The following GRIN2B variants were observed in gnomAD, a reference collection of about 807,000 sequenced individuals.
GRIN2B encodes glutamate receptor ionotropic, NMDA 2B.
In GRIN2B, 5 loss-of-function variants were observed where a neutral mutation model predicts 114.5. The ratio of observed to expected loss-of-function variants is 0.04; its 90% CI spans 0.02 to 0.09. The LOEUF is 0.09. GRIN2B is among the 10% of genes least tolerant of loss of function. The pLI, the probability that GRIN2B is intolerant of heterozygous loss-of-function variation, is 1.00. For synonymous variants in GRIN2B, 787 were observed against 745.1 expected, an observed-to-expected ratio of 1.06 and a Z score of -0.92; for missense variants, 1,108 against 1,943.5, an observed-to-expected ratio of 0.57 and a Z score of 8.08.
At chr12:13,784,223 C>CA (rs56197649) in intron 3 of GRIN2B, among the ~76,000 whole-genome samples, 24 of 71,904 alleles carry the variant, frequency 3.3e-4, no homozygotes, top group African/African-American at 1.4e-3. Context: ...GACTTCGCCT[C>CA]AAAAAAAAAA....
chr12:13,977,939 C>T (rs1277830535), intron 2 of GRIN2B, among the ~76,000 whole-genome samples: 1 of 152,294 alleles, frequency 6.6e-6, no homozygotes, highest in South Asian at 2.1e-4. Context: ...CTTTCAACCT[C>T]GCCTAGTCTT....
At chr12:13,901,804 C>T (rs1397394842) in intron 2 of GRIN2B, among the ~76,000 whole-genome samples, 3 of 151,988 alleles carry the variant, frequency 2.0e-5, no homozygotes, top group Non-Finnish European at 4.4e-5. Flanking sequence ...AAAAATTTCC[C>T]TACTCCAACT....
chr12:13,650,212 C>T (rs1203037929), intron 5 of GRIN2B, among the ~76,000 whole-genome samples: 3 of 152,042 alleles, frequency 2.0e-5, no homozygotes, highest in Non-Finnish European at 4.4e-5. Context: ...CCTTCCTCTC[C>T]TCCATGTGGA....
At chr12:13,651,292 A>C (rs1175824403) in intron 5 of GRIN2B, among the ~76,000 whole-genome samples, 1 of 152,126 alleles carries the variant, frequency 6.6e-6, no homozygotes, top group Admixed American at 6.6e-5. Flanking sequence ...TCTGTCCTGC[A>C]TTAAAACCAG....
chr12:13,697,611 A>G (rs1377829008), intron 4 of GRIN2B, among the ~76,000 whole-genome samples: 1 of 152,192 alleles, frequency 6.6e-6, no homozygotes, highest in Non-Finnish European at 1.5e-5. Context: ...TCCTCATCCC[A>G]AACATTTTGT....
chr12:13,627,964 C>G (rs1244016473), intron 5 of GRIN2B, among the ~76,000 whole-genome samples: 1 of 152,196 alleles, frequency 6.6e-6, no homozygotes, highest in African/African-American at 2.4e-5. Context: ...TTAAGACTCC[C>G]CACTTAGGGG....
At chr12:13,969,848 A>G (rs930846945) in intron 2 of GRIN2B, among the ~76,000 whole-genome samples, 1 of 152,218 alleles carries the variant, frequency 6.6e-6, no homozygotes, top group African/African-American at 2.4e-5. Context: ...CATAATAAAA[A>G]GGAGAGGTTG....
chr12:13,695,483 G>C (rs796518911), intron 4 of GRIN2B, among the ~76,000 whole-genome samples: 1 of 152,200 alleles, frequency 6.6e-6, no homozygotes, highest in East Asian at 1.9e-4. Context: ...GTCTGAAAGA[G>C]CGAGTAGTCT....
At chr12:13,605,520 G>GTCTC (rs3081918) in intron 10 of GRIN2B, among the ~76,000 whole-genome samples, 5,626 of 114,768 alleles carry the variant, frequency 0.049, 336 homozygotes, top group Admixed American at 0.16. Context: ...GGTCTTGAAA[G>GTCTC]TCTCTCTCTC....
At chr12:13,571,326 C>T (rs1948705816) in intron 11 of GRIN2B, among the ~76,000 whole-genome samples, 1 of 152,222 alleles carries the variant, frequency 6.6e-6, no homozygotes, top group East Asian at 1.9e-4. Flanking sequence ...ACAAACACTC[C>T]CTAGAGGACA....
chr12:13,766,979 G>T (rs1027844559), intron 3 of GRIN2B, among the ~76,000 whole-genome samples: 1 of 152,146 alleles, frequency 6.6e-6, no homozygotes, highest in Non-Finnish European at 1.5e-5. Flanking sequence ...AATGTTGGCC[G>T]GGCACGGTGG....
chr12:13,649,773 G>A (rs1949797357), intron 5 of GRIN2B, among the ~76,000 whole-genome samples: 1 of 151,982 alleles, frequency 6.6e-6, no homozygotes, highest in Admixed American at 6.6e-5. Flanking sequence ...ATAACTAAGT[G>A]GTATGACCTT....
chr12:13,596,099 G>A (rs1949069754), intron 10 of GRIN2B, among the ~76,000 whole-genome samples: 1 of 151,562 alleles, frequency 6.6e-6, no homozygotes, highest in African/African-American at 2.4e-5. Context: ...AGTCCTTCAT[G>A]ACACAATGCT....
intron 3 of GRIN2B, among the ~76,000 whole-genome samples, chr12:13,808,805 C>T (rs556580417): frequency 2.0e-5 from 3 of 150,178 alleles, no homozygotes; most frequent in Admixed American, 6.6e-5. Context: ...AGGGGGTTCC[C>T]GAGCCCTATA....
At chr12:13,978,250 C>T (rs1863063026) in intron 2 of GRIN2B, among the ~76,000 whole-genome samples, 1 of 152,180 alleles carries the variant, frequency 6.6e-6, no homozygotes, top group African/African-American at 2.4e-5. Context: ...AGTTCATCCT[C>T]CTACTTGGAG....
intron 4 of GRIN2B, chr12:13,683,659 C>A: frequency 6.4e-6 from 1 of 156,378 alleles, no homozygotes. Context: ...CATGTGCATC[C>A]GTCCCTAAGC....
rs574871887 is a variant in GRIN2B at position 13,724,165 on chromosome 12, C to G, written c.1010+29152G>C. 2.0e-5 allele frequency among the ~76,000 whole-genome samples: 3 copies of G among 152,244 alleles called. No individual in the cohort carries two copies. The South Asian group carries it at 6.2e-4, about 32-fold the overall frequency. On this transcript the variant is annotated intron_variant, in intron 4 of 13. Coordinates refer to ENST00000609686, the MANE Select transcript of GRIN2B (RefSeq NM_000834.5). ...GGTGCCTCTCATTCTGACTCCTGTC[C>G]TCAATATGTGACCCCATCTCTCTGT... is the stretch of plus-strand genomic sequence containing the variant.
chr12:13,901,945 T>C (rs978032350), intron 2 of GRIN2B, among the ~76,000 whole-genome samples: 2 of 152,130 alleles, frequency 1.3e-5, no homozygotes, highest in East Asian at 1.9e-4. Flanking sequence ...TCAGCATTAG[T>C]TATTAAAAAG....
At chr12:13,840,916 A>G (rs975715339) in intron 3 of GRIN2B, among the ~76,000 whole-genome samples, 2 of 152,220 alleles carry the variant, frequency 1.3e-5, no homozygotes, top group African/African-American at 4.8e-5. Flanking sequence ...CAGAGGGCAG[A>G]AACAAGAAGT....
Sources: gnomAD v4.1 joint callset for allele counts (sites outside exome capture counted in the v4.1 genomes callset) on GRCh38, gnomAD v4.1.1 for gene constraint, MANE v1.5 for transcripts, NCBI Gene and HGNC (gene_info 2026-07-23, HGNC 2026-07-21) for gene names.